Variants in PIP4K2A observed in about 807,000 individuals in gnomAD.
PIP4K2A encodes the protein phosphatidylinositol 5-phosphate 4-kinase type-2 alpha.
PIP4K2A carries 14 observed loss-of-function variants against 42.9 expected under a neutral mutation model. That is an observed-to-expected ratio of 0.33 (90% CI 0.22 to 0.51). The LOEUF (loss-of-function observed/expected upper bound fraction) is 0.51, where lower values mean the gene tolerates loss of function less well. Among genes scored for constraint, PIP4K2A ranks in the 20% least tolerant of loss-of-function variants. PIP4K2A has a pLI of 0.97. For missense variants in PIP4K2A, 434 were observed against 519.8 expected (o/e 0.83, Z 1.61); for synonymous variants, 192 against 192.2 (o/e 1.00, Z 0.01).
At chr10:22,633,012 A>G (rs1838581364) in intron 1 of PIP4K2A, among the ~76,000 whole-genome samples, 1 of 152,194 alleles carries the variant, frequency 6.6e-6, no homozygotes, top group African/African-American at 2.4e-5. Context: ...CTTAGTATAC[A>G]TCGGGTATCT....
intron 1 of PIP4K2A, among the ~76,000 whole-genome samples, chr10:22,677,049 T>C (rs1839573837): frequency 6.6e-6 from 1 of 152,092 alleles, no homozygotes; most frequent in Non-Finnish European, 1.5e-5. Context: ...TTTCCTGTTA[T>C]ACTTAGGACA....
intron 1 of PIP4K2A, among the ~76,000 whole-genome samples, chr10:22,638,909 A>G (rs1220498597): frequency 6.7e-6 from 1 of 150,354 alleles, no homozygotes; most frequent in Non-Finnish European, 1.5e-5. Flanking sequence ...AGCACTTGTT[A>G]AAGTCTTCTT....
chr10:22,630,854 C>T (rs1838532426), intron 1 of PIP4K2A, among the ~76,000 whole-genome samples: 1 of 152,168 alleles, frequency 6.6e-6, no homozygotes, highest in African/African-American at 2.4e-5. Context: ...GTTCTGGGTC[C>T]TCTCACCTTC....
chr10:22,637,456 G>C (rs1838690018), intron 1 of PIP4K2A, among the ~76,000 whole-genome samples: 1 of 152,192 alleles, frequency 6.6e-6, no homozygotes, highest in South Asian at 2.1e-4. Flanking sequence ...CTGCTCAGCT[G>C]ATGTGCCTTG....
rs189819127 is a variant in PIP4K2A, at chr10:22,592,199, C to T, written c.340-418G>A. On this transcript the variant is annotated intron_variant, in intron 3 of 9. Coordinates refer to ENST00000376573, the MANE Select transcript of PIP4K2A (RefSeq NM_005028.5). ...GCCAAGCATTTTGCACAGATTATTT[C>T]CCCCAATTCTGATAACATTCCCATG... Among the ~76,000 whole-genome samples the T allele has an allele frequency of 1.8e-3, 272 of 152,236 alleles. 1 individual carries two copies. The highest frequency in any genetic ancestry group is 6.1e-3 in the African/African-American group (252 of 41,528).
chr10:22,536,396 G>A lies in PIP4K2A; in HGVS notation c.*805C>T. 1 of 322,136 alleles carries A rather than the reference G, an allele frequency of 3.1e-6. No homozygotes were observed. Among genetic ancestry groups the A allele is most frequent in the Middle Eastern group, 8.1e-4 (1 of 1,236 alleles). 20.0% of individuals were successfully genotyped at this position (322,136 alleles called of 1,614,324 possible). On this transcript the variant is annotated 3_prime_UTR_variant, in exon 10 of 10. Transcript: ENST00000376573. ...GAAAAGAGAAGTAAGCAGTTTTCCT[G>A]GACATATTGGCCGAGGTGAAAAATG...
At chr10:22,639,877 C>A (rs1282910051) in intron 1 of PIP4K2A, among the ~76,000 whole-genome samples, 1 of 152,080 alleles carries the variant, frequency 6.6e-6, no homozygotes, top group Non-Finnish European at 1.5e-5. Flanking sequence ...CTCCAGAACA[C>A]GAAGAACACG....
chr10:22,564,191 T>C (rs1014641423), intron 6 of PIP4K2A, among the ~76,000 whole-genome samples: 1 of 152,210 alleles, frequency 6.6e-6, no homozygotes, highest in Non-Finnish European at 1.5e-5. Flanking sequence ...TGTCCTGCTT[T>C]GCAGGAACCG....
chr10:22,681,847 T>G (rs1839669259), intron 1 of PIP4K2A, among the ~76,000 whole-genome samples: 1 of 152,132 alleles, frequency 6.6e-6, no homozygotes, highest in African/African-American at 2.4e-5. Flanking sequence ...GGCCACACAG[T>G]CTCTGTCACA....
chr10:22,607,561 T>C (rs1837932028), intron 3 of PIP4K2A, among the ~76,000 whole-genome samples: 2 of 152,064 alleles, frequency 1.3e-5, no homozygotes, highest in Admixed American at 1.3e-4. Context: ...TCTACGAAGA[T>C]ACAAAACATG....
chr10:22,693,784 C>T (rs1323306609), intron 1 of PIP4K2A, among the ~76,000 whole-genome samples: 1 of 151,840 alleles, frequency 6.6e-6, no homozygotes, highest in African/African-American at 2.4e-5. Flanking sequence ...ATTTTACTGT[C>T]TCAGCTTTCT....
chr10:22,632,813 T>C (rs1382104641), intron 1 of PIP4K2A, among the ~76,000 whole-genome samples: 1 of 152,208 alleles, frequency 6.6e-6, no homozygotes, highest in Non-Finnish European at 1.5e-5. Context: ...CTCTCTTACA[T>C]TATCAAATTT....
intron 1 of PIP4K2A, among the ~76,000 whole-genome samples, chr10:22,618,030 C>A (rs1157638131): frequency 6.6e-6 from 1 of 152,144 alleles, no homozygotes; most frequent in African/African-American, 2.4e-5. Flanking sequence ...ATTCTAGATA[C>A]TACTGTAATT....
intron 6 of PIP4K2A, among the ~76,000 whole-genome samples, chr10:22,552,871 G>A (rs1461558695): frequency 2.0e-5 from 3 of 152,108 alleles, no homozygotes; most frequent in Admixed American, 6.5e-5. Context: ...GAAAAGAAGG[G>A]TAGAGGGTGT....
intron 1 of PIP4K2A, among the ~76,000 whole-genome samples, chr10:22,642,750 A>G (rs1177462560): frequency 2.0e-5 from 3 of 152,136 alleles, no homozygotes; most frequent in Non-Finnish European, 1.5e-5. Context: ...GAAAAGATCT[A>G]GGGCTTGGAA....
At chr10:22,665,620 T>C (rs1304224195) in intron 1 of PIP4K2A, among the ~76,000 whole-genome samples, 1 of 143,200 alleles carries the variant, frequency 7.0e-6, no homozygotes, top group African/African-American at 2.8e-5. Context: ...TTTTTTTTTT[T>C]TTTTTTTAAG....
At chr10:22,629,783 T>C (rs1838513027) in intron 1 of PIP4K2A, among the ~76,000 whole-genome samples, 1 of 152,220 alleles carries the variant, frequency 6.6e-6, no homozygotes. Flanking sequence ...CAGTCTTTGC[T>C]GTAGTTTTTG....
At chr10:22,569,010 T>C in intron 5 of PIP4K2A, 2 of 1,533,790 alleles carry the variant, frequency 1.3e-6, no homozygotes, top group Non-Finnish European at 1.7e-6. Context: ...TAAATGAACT[T>C]ACAGTTGGCT....
chr10:22,691,950 C>G (rs1277397204), intron 1 of PIP4K2A: 2 of 152,302 alleles, frequency 1.3e-5, no homozygotes, highest in Non-Finnish European at 1.5e-5. Flanking sequence ...TTTCAGGCAC[C>G]AGGGACTGGT....
Sources: allele counts gnomAD v4.1 joint callset (sites outside exome capture counted in the v4.1 genomes callset), GRCh38; gene constraint gnomAD v4.1.1; transcripts MANE v1.5; gene names NCBI Gene and HGNC (gene_info 2026-07-23, HGNC 2026-07-21).